The following LOC728743 variants were observed in gnomAD, a reference collection of about 807,000 sequenced individuals.
chr7:150,407,575 TC>T, the LOC728743 span: 1 of 398,028 alleles, frequency 2.5e-6, no homozygotes, highest in Admixed American at 4.4e-5. Context: ...CCCGCTTCTG[TC>T]TCCCTAGGGA....
the LOC728743 span, among the ~76,000 whole-genome samples, chr7:150,402,145 T>A: frequency 1.3e-5 from 2 of 152,248 alleles, no homozygotes; most frequent in Non-Finnish European, 1.5e-5. Flanking sequence ...ATTGTGCCCA[T>A]GGAAAGGGAA....
At chr7:150,410,736 T>G in the LOC728743 span, 1 of 152,276 alleles carries the variant, frequency 6.6e-6, no homozygotes, top group African/African-American at 2.4e-5. Flanking sequence ...ATAACTGACG[T>G]AGACTCAAAA....
At chr7:150,401,043 G>T in the LOC728743 span, 1 of 152,210 alleles carries the variant, frequency 6.6e-6, no homozygotes, top group Non-Finnish European at 1.5e-5. Flanking sequence ...CTGTGGCCAC[G>T]TGGTCACAGA....
the LOC728743 span, chr7:150,407,717 C>G: frequency 2.5e-6 from 1 of 399,996 alleles, no homozygotes; most frequent in Admixed American, 4.4e-5. Flanking sequence ...AGAGGAGCAG[C>G]CCTACCGCTG....
chr7:150,402,488 A>C, the LOC728743 span, among the ~76,000 whole-genome samples: 1 of 152,232 alleles, frequency 6.6e-6, no homozygotes, highest in Non-Finnish European at 1.5e-5. Context: ...TGTAGCTTGC[A>C]GAGGAGCATA....
the LOC728743 span, among the ~76,000 whole-genome samples, chr7:150,401,225 G>A: frequency 6.6e-5 from 10 of 152,138 alleles, no homozygotes; most frequent in African/African-American, 9.7e-5. Context: ...GTAGGTTCTC[G>A]GAAAATGGTT....
chr7:150,410,526 GT>G, the LOC728743 span: 1 of 272,672 alleles, frequency 3.7e-6, no homozygotes, highest in Non-Finnish European at 6.9e-6. Flanking sequence ...CTTGGCTAGA[GT>G]TCAGAGACAG....
At chr7:150,403,272 G>A in the LOC728743 span, among the ~76,000 whole-genome samples, 15 of 152,160 alleles carry the variant, frequency 9.9e-5, no homozygotes, top group Non-Finnish European at 1.9e-4. This position sits in a 1 kb window ranked among gnomAD's most constrained non-coding sequence, Gnocchi z 5.1. Context: ...GCAGAGAATG[G>A]AGGCCTCTGG....
At chr7:150,409,339 G>C in the LOC728743 span, among the ~76,000 whole-genome samples, 1 of 152,182 alleles carries the variant, frequency 6.6e-6, no homozygotes, top group Non-Finnish European at 1.5e-5. Context: ...CTGGAGCCTC[G>C]AGGGGCTTGG....
At chr7:150,408,387 G>T in the LOC728743 span, 3 of 361,498 alleles carry the variant, frequency 8.3e-6, no homozygotes, top group Non-Finnish European at 1.5e-5. Flanking sequence ...GGCTCCGGCC[G>T]CCCGCTCGCG....
the LOC728743 span, among the ~76,000 whole-genome samples, chr7:150,404,104 G>T: frequency 6.6e-6 from 1 of 152,236 alleles, no homozygotes; most frequent in Non-Finnish European, 1.5e-5. Context: ...TCCATTGTCT[G>T]CTGCAAGGAT....
chr7:150,410,494 T>C, the LOC728743 span: 1 of 320,076 alleles, frequency 3.1e-6, no homozygotes, highest in Non-Finnish European at 5.7e-6. Context: ...AGCTGGCTTC[T>C]CTGCTCCCGC....
the LOC728743 span, chr7:150,404,697 C>T: frequency 6.6e-6 from 1 of 152,430 alleles, no homozygotes; most frequent in Non-Finnish European, 1.5e-5. Context: ...TATGGGATAT[C>T]TCTGGCTTGA....
chr7:150,401,276 G>A, the LOC728743 span, among the ~76,000 whole-genome samples: 35 of 152,354 alleles, frequency 2.3e-4, no homozygotes, highest in Non-Finnish European at 4.6e-4. Flanking sequence ...CGTCCGGTAA[G>A]GCAGTCGGCC....
At chr7:150,401,869 AC>A in the LOC728743 span, among the ~76,000 whole-genome samples, 12 of 152,326 alleles carry the variant, frequency 7.9e-5, no homozygotes, top group South Asian at 2.1e-4. Flanking sequence ...ACTGGGCATA[AC>A]AGCCCCAGGG....
the LOC728743 span, chr7:150,410,862 C>T: frequency 6.6e-6 from 1 of 152,370 alleles, no homozygotes; most frequent in Non-Finnish European, 1.5e-5. Flanking sequence ...ACCTGTCACA[C>T]ATTGAGCCCC....
the LOC728743 span, chr7:150,400,826 C>A: frequency 1.3e-5 from 2 of 152,226 alleles, no homozygotes; most frequent in African/African-American, 2.4e-5. Flanking sequence ...AAGTCCAAGA[C>A]AAGATGGTCA....
At chr7:150,410,988 C>G in the LOC728743 span, 2 of 152,304 alleles carry the variant, frequency 1.3e-5, no homozygotes, top group Admixed American at 1.3e-4. Context: ...TCTCCCAGAC[C>G]TAACGAATGG....
At chr7:150,410,042 C>A in the LOC728743 span, 1 of 398,144 alleles carries the variant, frequency 2.5e-6, no homozygotes, top group South Asian at 1.3e-4. Flanking sequence ...TCATTCAAAC[C>A]CTAGGACAGA....
Sources: gnomAD v4.1 joint callset for allele counts (sites outside exome capture counted in the v4.1 genomes callset) on GRCh38, gnomAD v4.1.1 for gene constraint, Gnocchi (gnomAD v3.1) non-coding constraint, MANE v1.5 for transcripts.